Variants in GPM6A observed in about 807,000 individuals in gnomAD.
The protein encoded by GPM6A is glycoprotein M6A, also known as neuronal membrane glycoprotein M6-a.
A neutral mutation model predicts 32.1 loss-of-function variants in GPM6A; 7 were observed. The ratio of observed to expected loss-of-function variants is 0.22; its 90% confidence interval spans 0.12 to 0.41. GPM6A has a LOEUF of 0.41. Ranked by LOEUF, GPM6A falls within the 10% of genes least tolerant of loss-of-function variation. The probability of loss-of-function intolerance (pLI) is 1.00; values close to 1 mark genes in which losing one functional copy is unlikely to be tolerated. For synonymous variants in GPM6A, 130 were observed against 123.4 expected (o/e 1.05, Z -0.35); for missense variants, 235 against 347.2 (o/e 0.68, Z 2.57).
At chr4:175,942,149 AAT>A (rs1392198921) in intron 1 of GPM6A, among the ~76,000 whole-genome samples, 8 of 151,980 alleles carry the variant, frequency 5.3e-5, no homozygotes, top group Non-Finnish European at 1.0e-4. Context: ...AGCTTTTTTA[AAT>A]ATGTTTGTTG....
At chr4:175,897,371 T>C (rs770195663) in intron 1 of GPM6A, among the ~76,000 whole-genome samples, 20 of 152,108 alleles carry the variant, frequency 1.3e-4, no homozygotes, top group Non-Finnish European at 2.5e-4. Context: ...GTGCCTCCCA[T>C]TGATGGAATA....
intron 1 of GPM6A, among the ~76,000 whole-genome samples, chr4:175,714,215 A>C (rs928364849): frequency 1.3e-5 from 2 of 152,154 alleles, no homozygotes; most frequent in Non-Finnish European, 2.9e-5. Flanking sequence ...GAATCCTTTA[A>C]AAGTATTTGA....
chr4:175,778,067 T>C (rs1263531613), intron 1 of GPM6A, among the ~76,000 whole-genome samples: 2 of 152,144 alleles, frequency 1.3e-5, no homozygotes, highest in Non-Finnish European at 2.9e-5. Flanking sequence ...TGCTTACCTT[T>C]CACCATTTCC....
chr4:175,796,346 G>C (rs988605269), intron 1 of GPM6A, among the ~76,000 whole-genome samples: 1 of 152,156 alleles, frequency 6.6e-6, no homozygotes, highest in Non-Finnish European at 1.5e-5. Context: ...TAATCTTAAA[G>C]ATGAATAAAA....
chr4:175,950,876 A>G (rs1432347476), intron 1 of GPM6A, among the ~76,000 whole-genome samples: 2 of 152,230 alleles, frequency 1.3e-5, no homozygotes, highest in Non-Finnish European at 2.9e-5. Flanking sequence ...TTTCTGAATT[A>G]TCAAAAATAT....
intron 1 of GPM6A, among the ~76,000 whole-genome samples, chr4:175,752,301 G>A (rs1732366645): frequency 6.6e-6 from 1 of 152,010 alleles, no homozygotes; most frequent in Non-Finnish European, 1.5e-5. Context: ...TGTCCTTTTG[G>A]CCTTCCTGTG....
At chr4:175,987,011 G>A (rs182458439) in intron 1 of GPM6A, among the ~76,000 whole-genome samples, 80 of 152,264 alleles carry the variant, frequency 5.3e-4, no homozygotes, top group African/African-American at 1.8e-3. Flanking sequence ...GCTCTAGCCT[G>A]TCTCTGAATC....
chr4:175,739,772 C>T (rs1433957749), intron 1 of GPM6A, among the ~76,000 whole-genome samples: 3 of 152,018 alleles, frequency 2.0e-5, no homozygotes, highest in African/African-American at 4.8e-5. Context: ...TCTTAATGTG[C>T]TGAGCCACCA....
At chr4:175,657,647 C>T (rs1742163315) in intron 3 of GPM6A, among the ~76,000 whole-genome samples, 1 of 152,096 alleles carries the variant, frequency 6.6e-6, no homozygotes, top group African/African-American at 2.4e-5. Flanking sequence ...CGGACATGAG[C>T]CAGATATCTA....
intron 1 of GPM6A, among the ~76,000 whole-genome samples, chr4:175,893,767 A>G (rs932458308): frequency 6.6e-6 from 1 of 152,174 alleles, no homozygotes; most frequent in Non-Finnish European, 1.5e-5. Context: ...TTCCTAAGTA[A>G]AAACAGAAGT....
intron 3 of GPM6A, among the ~76,000 whole-genome samples, chr4:175,652,217 GA>G (rs1560853260): frequency 6.6e-6 from 1 of 151,932 alleles, no homozygotes; most frequent in Admixed American, 6.6e-5. Context: ...GATGTACAAA[GA>G]AAAAAATAAT....
intron 1 of GPM6A, among the ~76,000 whole-genome samples, chr4:175,860,850 C>G (rs1736552941): frequency 6.6e-6 from 1 of 152,040 alleles, no homozygotes; most frequent in South Asian, 2.1e-4. Flanking sequence ...TATTTCAATC[C>G]TTTTGAGAGG....
At chr4:175,929,510 T>A (rs1228712972) in intron 1 of GPM6A, among the ~76,000 whole-genome samples, 1 of 152,232 alleles carries the variant, frequency 6.6e-6, no homozygotes, top group Non-Finnish European at 1.5e-5. Context: ...TGGTTCTGCA[T>A]TTGTAAAACT....
chr4:175,983,839 G>T (rs1455306531), intron 1 of GPM6A, among the ~76,000 whole-genome samples: 3 of 152,146 alleles, frequency 2.0e-5, no homozygotes, highest in Non-Finnish European at 4.4e-5. Context: ...CAGGTTTTGT[G>T]ATAGAACTGC....
chr4:175,681,059 GA>G (rs777291890), intron 2 of GPM6A, among the ~76,000 whole-genome samples: 6 of 152,152 alleles, frequency 3.9e-5, no homozygotes, highest in African/African-American at 1.4e-4. Context: ...TTGCAGCAAT[GA>G]ATAACTTTGT....
intron 1 of GPM6A, among the ~76,000 whole-genome samples, chr4:175,865,782 A>G (rs999652736): frequency 6.6e-6 from 1 of 152,004 alleles, no homozygotes; most frequent in Non-Finnish European, 1.5e-5. Flanking sequence ...CTGCTGAGGA[A>G]TATTTGTCTG....
chr4:175,766,480 A>G (rs536095536), intron 1 of GPM6A, among the ~76,000 whole-genome samples: 41 of 152,262 alleles, frequency 2.7e-4, no homozygotes, highest in Middle Eastern at 3.4e-3. Flanking sequence ...TAGTCAGTTA[A>G]GTTTTGATCA....
At chr4:175,910,057 G>T (rs145353091) in intron 1 of GPM6A, among the ~76,000 whole-genome samples, 42 of 152,204 alleles carry the variant, frequency 2.8e-4, no homozygotes, top group East Asian at 1.6e-3. Flanking sequence ...AAACAGTTCT[G>T]ATTGGCAGCA....
chr4:175,890,907 A>T (rs1025091309), intron 1 of GPM6A, among the ~76,000 whole-genome samples: 4 of 152,148 alleles, frequency 2.6e-5, no homozygotes, highest in African/African-American at 9.7e-5. Flanking sequence ...ATGCAGTATG[A>T]TAACATTTAT....
Sources: gnomAD v4.1 joint callset for allele counts (sites outside exome capture counted in the v4.1 genomes callset) on GRCh38, gnomAD v4.1.1 for gene constraint, MANE v1.5 for transcripts, NCBI Gene and HGNC (gene_info 2026-07-23, HGNC 2026-07-21) for gene names.